The following AQR variants were observed in gnomAD, a reference collection of about 807,000 sequenced individuals.
AQR encodes aquarius intron-binding spliceosomal factor, also known as RNA helicase aquarius.
A neutral mutation model predicts 180.5 loss-of-function variants in AQR; 61 were observed. That is an observed-to-expected ratio of 0.34 (90% confidence interval 0.28 to 0.42). The LOEUF (loss-of-function observed/expected upper bound fraction) is 0.42, where lower values mean the gene tolerates loss of function less well. Among genes scored for constraint, AQR ranks in the 10% least tolerant of loss-of-function variants. The pLI is 1.00. For missense variants in AQR, 1,281 were observed against 1,798.3 expected, an observed-to-expected ratio of 0.71 and a Z score of 5.20; for synonymous variants, 551 against 588.8, an observed-to-expected ratio of 0.94 and a Z score of 0.93.
chr15:34,904,553 T>C (rs1259275151), intron 18 of AQR, 48 bp from the exon 19 acceptor site: 1 of 1,511,996 alleles, frequency 6.6e-7, no homozygotes, highest in African/African-American at 1.4e-5. Flanking sequence ...ATTTTTCAAA[T>C]ATCAAAATAA....
intron 32 of AQR, 29 bp downstream of exon 32, chr15:34,867,495 A>G: frequency 2.5e-6 from 4 of 1,571,718 alleles, no homozygotes; most frequent in Non-Finnish European, 3.5e-6. Context: ...AAAGTTCAAT[A>G]AATATTATGA....
rs745394301 is a variant in AQR at position 34,960,742 on chromosome 15, T to C, written c.173+32A>G. 21 of 865,978 alleles carry C rather than the reference T, an allele frequency of 2.4e-5. 1 individual carries two copies. In the Middle Eastern group the frequency reaches 3.8e-3, roughly 156 times the overall value. 53.6% of individuals were successfully genotyped at this position (865,978 alleles called of 1,614,324 possible). A position where few individuals can be genotyped will look rare whatever the true frequency, so the allele number is the denominator to read the frequency against. ...CAAGATCCAACTTGGTCCACCCCAA[T>C]CACATTGTATAAAATTTAAATTCAT... On this transcript the variant is annotated intron_variant, in intron 3 of 34. Coordinates refer to ENST00000156471, the MANE Select transcript of AQR (RefSeq NM_014691.3).
chr15:34,883,105 AG>A (rs1163649490), intron 26 of AQR, among the ~76,000 whole-genome samples: 3 of 152,202 alleles, frequency 2.0e-5, no homozygotes, highest in Admixed American at 1.3e-4. Context: ...GTATTATCAG[AG>A]CCCAGGGACT....
At chr15:34,893,088 G>C (rs910728819) in intron 23 of AQR, among the ~76,000 whole-genome samples, 2 of 152,140 alleles carry the variant, frequency 1.3e-5, no homozygotes, top group African/African-American at 4.8e-5. Context: ...CCTTATGTTA[G>C]GAACAAGTGC....
At chr15:34,934,356 A>G (rs1326387827) in intron 10 of AQR, among the ~76,000 whole-genome samples, 2 of 148,352 alleles carry the variant, frequency 1.3e-5, no homozygotes, top group Admixed American at 6.8e-5. Context: ...TAATAAATAT[A>G]TACATATTTA....
chr15:34,914,827 T>C (rs1893557105), intron 16 of AQR, among the ~76,000 whole-genome samples: 1 of 152,170 alleles, frequency 6.6e-6, no homozygotes, highest in Non-Finnish European at 1.5e-5. Flanking sequence ...CCCACTCCCA[T>C]TCCCAAGTAC....
chr15:34,965,410 C>A (rs1184641933), intron 1 of AQR, among the ~76,000 whole-genome samples: 5 of 152,178 alleles, frequency 3.3e-5, no homozygotes, highest in African/African-American at 1.2e-4. Flanking sequence ...GTGGCTCATG[C>A]CTGTAATCTC....
intron 32 of AQR, among the ~76,000 whole-genome samples, chr15:34,864,393 T>A (rs1892714386): frequency 6.6e-6 from 1 of 152,160 alleles, no homozygotes; most frequent in African/African-American, 2.4e-5. Flanking sequence ...CCTTGAGGAA[T>A]CTCTACATTT....
intron 8 of AQR, 119 bp downstream of exon 8, chr15:34,940,780 T>C (rs925404033): frequency 1.3e-6 from 1 of 753,882 alleles, no homozygotes; most frequent in African/African-American, 1.8e-5. Context: ...AAAGCACTTA[T>C]TATAATAATT....
chr15:34,925,437 T>A (rs1893746016), intron 13 of AQR, among the ~76,000 whole-genome samples: 1 of 152,232 alleles, frequency 6.6e-6, no homozygotes, highest in African/African-American at 2.4e-5. Context: ...ATGTAACAAG[T>A]TTTAAACGCA....
chr15:34,904,720 T>C (rs1265292588), intron 18 of AQR, among the ~76,000 whole-genome samples: 2 of 150,718 alleles, frequency 1.3e-5, no homozygotes, highest in African/African-American at 2.5e-5. Context: ...TTTCCTTCCA[T>C]AGCAGTCATG....
chr15:34,946,460 C>A lies in AQR; in HGVS notation c.330+1804G>T, dbSNP rs1367147286. The stretch of plus-strand genomic sequence containing the variant: ...GGGGTCAGCCCCCCGCCCGGCCAGC[C>A]GCCCCGTCCAGGAGGGAGGTGGGGG... On this transcript the variant is annotated intron_variant, in intron 5 of 34. Transcript: ENST00000156471. Among the ~76,000 whole-genome samples the A allele has an allele frequency of 3.7e-4, 48 of 130,762 alleles. 1 individual carries two copies. The highest frequency in any genetic ancestry group is 1.2e-3 in the African/African-American group (43 of 34,860). 85.8% of individuals were successfully genotyped at this position (130,762 alleles called of 152,430 possible).
rs558633244 is a variant in AQR, at chr15:34,915,673, C to T, written c.1343-494G>A. ...TAAGAATTAGGGGTGAGGCCGGGCA[C>T]GGTGGCTCACGCCTGTAATCCCAGC... On this transcript the variant is annotated intron_variant, in intron 15 of 34. Coordinates refer to ENST00000156471, the MANE Select transcript of AQR (RefSeq NM_014691.3). Among the ~76,000 whole-genome samples, 34 of 151,886 alleles carry T rather than the reference C, an allele frequency of 2.2e-4. No individual in the cohort carries two copies. In the East Asian group the frequency reaches 6.1e-3, roughly 27 times the overall value.
intron 12 of AQR, among the ~76,000 whole-genome samples, chr15:34,929,313 T>C (rs949300968): frequency 1.3e-5 from 2 of 152,236 alleles, no homozygotes; most frequent in Non-Finnish European, 2.9e-5. Flanking sequence ...CTAGGGTTTT[T>C]ATGTTTTGGG....
rs773599002 is a variant in AQR at position 34,930,362 on chromosome 15, T to C, written c.910A>G (p.Met304Val). The C allele has an allele frequency of 1.3e-6, 2 of 1,589,240 alleles. No individual in the cohort carries two copies. Among genetic ancestry groups the C allele is most frequent in the Non-Finnish European group, 1.7e-6 (2 of 1,158,782 alleles). The change falls in exon 12 of 35, where the codon ATG becomes GTG. Residue 304 changes from methionine to valine, a missense_variant. By Grantham distance (21) the Met-to-Val change is conservative. Coordinates refer to ENST00000156471, the MANE Select transcript of AQR (RefSeq NM_014691.3). ...DGHLFSQLLD[M>V]LKFYTGFEIN... Reference sequence around the variant, plus strand: ...TCAAAACCAGTATAGAATTTAAGCATGTCCAAAAGCTGAAGAAACACATTT... The same window carrying C: ...TCAAAACCAGTATAGAATTTAAGCACGTCCAAAAGCTGAAGAAACACATTT...
At chr15:34,882,313 G>T (rs2140467134) in intron 27 of AQR, among the ~76,000 whole-genome samples, 189 bp downstream of exon 27, 1 of 151,732 alleles carries the variant, frequency 6.6e-6, no homozygotes, top group East Asian at 1.9e-4. Context: ...ATTACCTAAT[G>T]GACATATTAC....
intron 20 of AQR, among the ~76,000 whole-genome samples, chr15:34,899,875 A>G (rs927108257): frequency 2.0e-5 from 3 of 152,100 alleles, no homozygotes; most frequent in African/African-American, 7.2e-5. Context: ...CTAATTTAAG[A>G]TTAAATATGA....
intron 28 of AQR, 129 bp from the exon 29 acceptor site, chr15:34,874,993 A>G: frequency 1.2e-6 from 1 of 841,002 alleles, no homozygotes; most frequent in South Asian, 1.8e-5. Flanking sequence ...TACCAGCTCC[A>G]CAAACAGGAG....
At chr15:34,910,776 AAC>A (rs889777436) in intron 16 of AQR, among the ~76,000 whole-genome samples, 2 of 152,252 alleles carry the variant, frequency 1.3e-5, no homozygotes, top group Non-Finnish European at 2.9e-5. Flanking sequence ...TATCATTACC[AAC>A]ACAGTTAGCA....
Sources: gnomAD v4.1 joint callset for allele counts (sites outside exome capture counted in the v4.1 genomes callset) on GRCh38, gnomAD v4.1.1 for gene constraint, MANE v1.5 for transcripts, NCBI Gene and HGNC (gene_info 2026-07-23, HGNC 2026-07-21) for gene names.